Variants in NAALADL2 observed in about 807,000 individuals in gnomAD.
The protein encoded by NAALADL2 is N-acetylated alpha-linked acidic dipeptidase like 2.
A neutral mutation model predicts 87.2 loss-of-function variants in NAALADL2; 76 were observed. The observed-to-expected ratio is 0.87, with a 90% CI of 0.72 to 1.05. NAALADL2 has a LOEUF of 1.05. NAALADL2 is among the 50% of genes least tolerant of loss of function. NAALADL2 has a pLI of 0.00. For missense variants in NAALADL2, 1,089 were observed against 945.8 expected, an observed-to-expected ratio of 1.15 and a Z score of -1.99; for synonymous variants, 354 against 331.0, an observed-to-expected ratio of 1.07 and a Z score of -0.75.
At chr3:175,328,464 A>G (rs921536810) in intron 5 of NAALADL2, among the ~76,000 whole-genome samples, 14 of 151,310 alleles carry the variant, frequency 9.3e-5, no homozygotes, top group Admixed American at 9.2e-4. Context: ...ATTGCGGGGG[A>G]GGCAGAGAGT....
intron 10 of NAALADL2, among the ~76,000 whole-genome samples, chr3:175,606,392 T>TTA (rs943436291): frequency 7.3e-5 from 11 of 151,668 alleles, no homozygotes; most frequent in Admixed American, 2.0e-4. Context: ...CTAGCCTTTT[T>TTA]TTTTTTGTAT....
chr3:175,106,829 A>C (rs1481471380), intron 2 of NAALADL2, among the ~76,000 whole-genome samples: 1 of 152,106 alleles, frequency 6.6e-6, no homozygotes, highest in African/African-American at 2.4e-5. Flanking sequence ...TTTCATCTAA[A>C]ACCATTAATT....
intron 9 of NAALADL2, among the ~76,000 whole-genome samples, chr3:175,519,217 G>A (rs1026721232): frequency 6.6e-6 from 1 of 152,176 alleles, no homozygotes; most frequent in Non-Finnish European, 1.5e-5. Flanking sequence ...AAGGCAGAGG[G>A]AAAATTAGAA....
At chr3:175,024,184 T>C (rs1345167487) in intron 1 of NAALADL2, among the ~76,000 whole-genome samples, 2 of 152,090 alleles carry the variant, frequency 1.3e-5, no homozygotes, top group Non-Finnish European at 2.9e-5. Flanking sequence ...CGGGACACTT[T>C]ATATATTATA....
chr3:175,162,351 C>T (rs768046038), intron 2 of NAALADL2, among the ~76,000 whole-genome samples: 1 of 152,036 alleles, frequency 6.6e-6, no homozygotes, highest in Non-Finnish European at 1.5e-5. Context: ...ATTGTGTTGT[C>T]TACATAGATA....
intron 1 of NAALADL2, among the ~76,000 whole-genome samples, chr3:175,048,766 C>A (rs1045773861): frequency 7.9e-5 from 12 of 152,036 alleles, no homozygotes; most frequent in Admixed American, 5.9e-4. Flanking sequence ...TTAATCAGTT[C>A]TTTGGCAACT....
chr3:174,823,387 T>C (rs187359481), intron 3 of NAALADL2, among the ~76,000 whole-genome samples: 100 of 152,336 alleles, frequency 6.6e-4, no homozygotes, highest in Middle Eastern at 3.4e-3. Flanking sequence ...GCAAATACTT[T>C]ATATTTCTTG....
intron 2 of NAALADL2, among the ~76,000 whole-genome samples, chr3:174,586,359 G>T (rs764350503): frequency 6.6e-6 from 1 of 152,080 alleles, no homozygotes; most frequent in Non-Finnish European, 1.5e-5. Flanking sequence ...AGGTAATTAT[G>T]TGTGCACATT....
At chr3:174,599,654 TTC>T (rs1352681794) in intron 2 of NAALADL2, among the ~76,000 whole-genome samples, 1 of 152,172 alleles carries the variant, frequency 6.6e-6, no homozygotes, top group African/African-American at 2.4e-5. Flanking sequence ...TTTACTTTTT[TTC>T]TCTTTTAAAT....
At chr3:175,137,763 T>C (rs891479870) in intron 2 of NAALADL2, among the ~76,000 whole-genome samples, 1 of 61,048 alleles carries the variant, frequency 1.6e-5, no homozygotes, top group Non-Finnish European at 4.5e-5. Context: ...CACACCCAGC[T>C]AAGTTTGTTT....
At chr3:174,976,277 A>T (rs1744350445) in intron 1 of NAALADL2, among the ~76,000 whole-genome samples, 1 of 152,206 alleles carries the variant, frequency 6.6e-6, no homozygotes, top group Non-Finnish European at 1.5e-5. Context: ...CAGGATGTTT[A>T]AATATTTTAT....
At chr3:175,767,554 G>A (rs1164978071) in intron 13 of NAALADL2, 1 of 151,966 alleles carries the variant, frequency 6.6e-6, no homozygotes, top group Non-Finnish European at 1.5e-5. Context: ...TAAAAGTGAA[G>A]GAAATGCTCA....
At chr3:175,046,447 A>C in intron 1 of NAALADL2, among the ~76,000 whole-genome samples, 1 of 152,252 alleles carries the variant, frequency 6.6e-6, no homozygotes, top group Non-Finnish European at 1.5e-5. Context: ...CATATTTCCA[A>C]GTGGAGGTCT....
intron 2 of NAALADL2, among the ~76,000 whole-genome samples, chr3:174,641,996 C>G (rs1723243137): frequency 6.6e-6 from 1 of 152,006 alleles, no homozygotes; most frequent in Admixed American, 6.6e-5. Flanking sequence ...TGGGCTGAAG[C>G]AATCCTCCTG....
chr3:175,240,963 G>A (rs909060686), intron 3 of NAALADL2, among the ~76,000 whole-genome samples: 3 of 151,954 alleles, frequency 2.0e-5, no homozygotes, highest in African/African-American at 7.3e-5. Context: ...GCCAGGCCCA[G>A]GTTTGAAGTT....
intron 5 of NAALADL2, among the ~76,000 whole-genome samples, chr3:175,437,686 C>G (rs1312010004): frequency 6.6e-6 from 1 of 151,508 alleles, no homozygotes; most frequent in East Asian, 1.9e-4. Context: ...CATCACACTA[C>G]CTGACTTCAA....
intron 2 of NAALADL2, among the ~76,000 whole-genome samples, chr3:175,142,550 A>C (rs1730154283): frequency 6.6e-6 from 1 of 152,022 alleles, no homozygotes; most frequent in Admixed American, 6.6e-5. Flanking sequence ...CTCAGATTTA[A>C]ACCCATGAAT....
chr3:175,385,542 G>T (rs9814060), intron 5 of NAALADL2, among the ~76,000 whole-genome samples: 61,580 of 151,904 alleles, frequency 0.41, 12,816 homozygotes, highest in East Asian at 0.62. Context: ...TTACAAGAAA[G>T]AAGACTTGGT....
At position 175,309,612 on chromosome 3, in the gene NAALADL2, T is replaced by A. The variant is rs1337394904; in HGVS notation, c.940-14563T>A. Among the ~76,000 whole-genome samples the A allele has an allele frequency of 2.6e-5, 4 of 152,052 alleles. No individual in the cohort carries two copies. In the East Asian group the frequency reaches 7.7e-4, roughly 29 times the overall value. ...TTTTGTTTTTCAGGATAACTGTTTT[T>A]TTTTTCAGCTTCCCTGACACTACTC... is the stretch of plus-strand genomic sequence containing the variant. On this transcript the variant is annotated intron_variant, in intron 4 of 13. Transcript: ENST00000454872.
Sources: gnomAD v4.1 joint callset for allele counts (sites outside exome capture counted in the v4.1 genomes callset) on GRCh38, gnomAD v4.1.1 for gene constraint, MANE v1.5 for transcripts, NCBI Gene and HGNC (gene_info 2026-07-23, HGNC 2026-07-21) for gene names.